Variants in PPP6R2 observed in about 807,000 individuals in gnomAD.
PPP6R2 encodes protein phosphatase 6 regulatory subunit 2.
PPP6R2 carries 62 observed loss-of-function variants against 100.2 expected under a neutral mutation model. The observed-to-expected ratio is 0.62, with a 90% CI of 0.50 to 0.76. PPP6R2 has a LOEUF of 0.76. Ranked by LOEUF, PPP6R2 falls within the 30% of genes least tolerant of loss-of-function variation. The pLI is 0.00. For missense variants in PPP6R2, 1,142 were observed against 1,276.3 expected (o/e 0.89, Z 1.60); for synonymous variants, 525 against 514.7 (o/e 1.02, Z -0.27).
chr22:50,438,718 C>T lies in PPP6R2; in HGVS notation c.2084C>T (p.Ala695Val). 2 of 1,612,398 alleles carry T rather than the reference C, an allele frequency of 1.2e-6. No individual in the cohort carries two copies. Among genetic ancestry groups the T allele is most frequent in the Non-Finnish European group, 1.7e-6 (2 of 1,179,346 alleles). ...RDAPGAGAPP[A>V]PGKKEAPPVE... ...GCACCTGGGGCAGGTGCCCCACCGG[C>T]CCCCGGGAAGAAGGAAGCGCCCCCT... is the stretch of plus-strand genomic sequence containing the variant. Residue 695 changes from alanine (A) to valine (V), a missense_variant, in exon 19 of 24, where the codon GCC (alanine) becomes GTC (valine). Ala to Val is a moderately conservative substitution (Grantham distance 64). This residue lies in a region of PPP6R2 where 550 missense variants were observed against 517.4 expected (regional missense o/e 1.06). Transcript: ENST00000612753.
upstream of PPP6R2, among the ~76,000 whole-genome samples, chr22:50,341,084 A>G (rs2042364848): frequency 6.6e-6 from 1 of 150,628 alleles, no homozygotes; most frequent in South Asian, 2.1e-4. Flanking sequence ...TTAATTTTTT[A>G]TATGTTTAGT....
chr22:50,428,149 C>CCAGCCAATTTTTA (rs1428816569), intron 10 of PPP6R2, among the ~76,000 whole-genome samples: 1 of 152,010 alleles, frequency 6.6e-6, no homozygotes, highest in Non-Finnish European at 1.5e-5. Context: ...GCCACCGTGC[C>CCAGCCAATTTTTA]TGGCCCCATT....
rs1421327259 is a variant in PPP6R2 at position 50,381,255 on chromosome 22, AT to A, written c.-17+9106del. Among the ~76,000 whole-genome samples, 250 of 150,248 alleles carry A rather than the reference AT, an allele frequency of 1.7e-3. 3 individuals are homozygous for A. The highest frequency in any genetic ancestry group is 3.8e-3 in the African/African-American group (153 of 40,764). ...GGCACCACACGGGCCCCACCTCAGC[AT>A]CACACGGGCCTCACCTCAGCACCAC... On this transcript the variant is annotated intron_variant, in intron 2 of 23. Transcript: ENST00000612753.
At chr22:50,422,769 A>G (rs1219412925) in intron 9 of PPP6R2, among the ~76,000 whole-genome samples, 2 of 152,048 alleles carry the variant, frequency 1.3e-5, no homozygotes, top group East Asian at 3.9e-4. Context: ...CCTGGTTCAG[A>G]CTGCCAGCCA....
At chr22:50,412,234 C>T (rs2059850877) in intron 4 of PPP6R2, among the ~76,000 whole-genome samples, 2 of 151,990 alleles carry the variant, frequency 1.3e-5, no homozygotes, top group Admixed American at 1.3e-4. Context: ...CTCTATCCCC[C>T]AGGCTGGAGT....
chr22:50,347,607 A>G (rs28403232), intron 1 of PPP6R2, among the ~76,000 whole-genome samples: 32,840 of 151,528 alleles, frequency 0.22, 5,161 homozygotes, highest in African/African-American at 0.44. Flanking sequence ...ACTCCTCCCA[A>G]TTTGCTGCTC....
At chr22:50,398,906 C>T (rs2057568032) in intron 3 of PPP6R2, among the ~76,000 whole-genome samples, 1 of 152,222 alleles carries the variant, frequency 6.6e-6, no homozygotes, top group South Asian at 2.1e-4. Flanking sequence ...GTCTGCGTCA[C>T]ATGACTAGCC....
intron 1 of PPP6R2, among the ~76,000 whole-genome samples, chr22:50,362,823 A>C (rs558320643): frequency 1.2e-4 from 19 of 152,296 alleles, no homozygotes; most frequent in African/African-American, 4.3e-4. Context: ...CTTTCTCAGC[A>C]ACCTAATTGG....
chr22:50,392,624 A>G (rs12158196), intron 2 of PPP6R2, among the ~76,000 whole-genome samples: 55,043 of 152,158 alleles, frequency 0.36, 10,508 homozygotes, highest in South Asian at 0.6. Flanking sequence ...AAAATGCAGC[A>G]TCCTTGTAGT....
At chr22:50,359,027 G>C (rs1309977606) in intron 1 of PPP6R2, among the ~76,000 whole-genome samples, 1 of 116,986 alleles carries the variant, frequency 8.5e-6, no homozygotes, top group Non-Finnish European at 1.7e-5. Context: ...TTGAGACGGA[G>C]TCTCACCCTA....
At chr22:50,349,681 G>A (rs538288442) in intron 1 of PPP6R2, among the ~76,000 whole-genome samples, 74 of 151,546 alleles carry the variant, frequency 4.9e-4, no homozygotes, top group African/African-American at 1.8e-3. Flanking sequence ...CAAAAAATTA[G>A]CCAGGCGTGG....
At position 50,416,098 on chromosome 22, in the gene PPP6R2, A is replaced by G. The variant is rs771569487; in HGVS notation, c.559A>G (p.Asn187Asp). ...GLRQDVLHWL[N>D]EEKVIQRLVE... ...GCCTCTTTTTCTCTTTCAGTGGCTG[A>G]ATGAAGAGAAGGTCATCCAGAGGCT... Residue 187 changes from asparagine to aspartate, a missense_variant, in exon 6 of 24, where the codon AAT (asparagine) becomes GAT (aspartate). Asn to Asp is a conservative substitution (Grantham distance 23). Coordinates refer to ENST00000612753, the MANE Select transcript of PPP6R2 (RefSeq NM_001242898.2). The G allele has an allele frequency of 3.5e-5, 57 of 1,613,134 alleles. No individual in the cohort carries two copies. Among genetic ancestry groups the G allele is most frequent in the Admixed American group, 8.3e-5 (5 of 60,024 alleles).
At chr22:50,421,530 G>A (rs572431165) in intron 8 of PPP6R2, among the ~76,000 whole-genome samples, 1 of 152,034 alleles carries the variant, frequency 6.6e-6, no homozygotes, top group South Asian at 2.1e-4. Flanking sequence ...AAATTATTTT[G>A]CATATTACTT....
At chr22:50,336,672 G>A in the PPP6R2 span, among the ~76,000 whole-genome samples, 13 of 152,184 alleles carry the variant, frequency 8.5e-5, no homozygotes, top group East Asian at 3.9e-4. Context: ...GGGATTATAG[G>A]TGTAAGCCAC....
chr22:50,406,704 CTG>C lies in PPP6R2; in HGVS notation c.246_247del (p.Cys82Ter). 1.2e-6 allele frequency: 2 copies of C among 1,613,660 alleles called. No individual in the cohort carries two copies. The highest frequency in any genetic ancestry group is 1.7e-6 in the Non-Finnish European group (2 of 1,179,968). On this transcript the variant is annotated frameshift_variant, in exon 4 of 24. Transcript: ENST00000612753. LOFTEE classifies it high-confidence loss of function. ...GCCCTTTTAGATATCCAAACACAGCCTGTGAGCTTCTGACTTGTGATGTGCCG... is the reference window on the plus strand; with the variant it reads ...GCCCTTTTAGATATCCAAACACAGCCTGAGCTTCTGACTTGTGATGTGCCG... ...KVRFKYPNTA[C>X]ELLTCDVPQI...
intron 6 of PPP6R2, among the ~76,000 whole-genome samples, chr22:50,418,264 A>C (rs924092914): frequency 1.3e-5 from 2 of 152,110 alleles, no homozygotes; most frequent in Non-Finnish European, 2.9e-5. Flanking sequence ...GCTTTAAAAA[A>C]AAGAAAACTC....
At chr22:50,346,749 C>CCCA (rs2043846886) in intron 1 of PPP6R2, among the ~76,000 whole-genome samples, 1 of 148,984 alleles carries the variant, frequency 6.7e-6, no homozygotes, top group African/African-American at 2.5e-5. Flanking sequence ...TCAGTGCTCC[C>CCCA]CCACCGTCAG....
chr22:50,375,993 C>T (rs952428964), intron 2 of PPP6R2, among the ~76,000 whole-genome samples: 7 of 151,396 alleles, frequency 4.6e-5, no homozygotes, highest in African/African-American at 9.7e-5. Flanking sequence ...GGCGTGTGTC[C>T]GGCTAATTTT....
chr22:50,423,264 T>C lies in PPP6R2; in HGVS notation c.973-198T>C, dbSNP rs1481535433. On this transcript the variant is annotated intron_variant, in intron 9 of 23. Coordinates refer to ENST00000612753, the MANE Select transcript of PPP6R2 (RefSeq NM_001242898.2). The surrounding 1 kb of genome is among the most constrained non-coding windows in gnomAD (Gnocchi z 4.8). ...ATCCTGGGAGCACTCTCTGAAGCCC[T>C]GAGGGGAGCAGCAGGCTCTTCACCC... Among the ~76,000 whole-genome samples, 1 of 152,126 alleles carries C rather than the reference T, an allele frequency of 6.6e-6. No individual in the cohort carries two copies. The highest frequency in any genetic ancestry group is 1.5e-5 in the Non-Finnish European group (1 of 68,014).
Sources: gnomAD v4.1 joint callset for allele counts (sites outside exome capture counted in the v4.1 genomes callset) on GRCh38, gnomAD v4.1.1 for gene constraint, gnomAD v4.1.1 regional missense constraint, Gnocchi (gnomAD v3.1) non-coding constraint, MANE v1.5 for transcripts, NCBI Gene and HGNC (gene_info 2026-07-23, HGNC 2026-07-21) for gene names.